The following TNFRSF10A variants were observed in gnomAD, a reference collection of about 807,000 sequenced individuals.
The protein encoded by TNFRSF10A is tumor necrosis factor receptor superfamily member 10A.
TNFRSF10A carries 44 observed loss-of-function variants against 42.8 expected under a neutral mutation model. The observed-to-expected ratio is 1.03, with a 90% CI of 0.81 to 1.32. The LOEUF is 1.32. Among genes scored for constraint, TNFRSF10A ranks in the 40% most tolerant of loss-of-function variants. The pLI is 0.00. For synonymous variants in TNFRSF10A, 259 were observed against 234.2 expected, an observed-to-expected ratio of 1.11 and a Z score of -0.97; for missense variants, 680 against 602.0, an observed-to-expected ratio of 1.13 and a Z score of -1.36.
chr8:23,208,096 C>T (rs1801043978), intron 2 of TNFRSF10A, among the ~76,000 whole-genome samples: 1 of 152,050 alleles, frequency 6.6e-6, no homozygotes, highest in African/African-American at 2.4e-5. Context: ...ATGGCTTTGA[C>T]CAAAAGCCTA....
At chr8:23,215,284 A>C (rs1372367978) in intron 1 of TNFRSF10A, among the ~76,000 whole-genome samples, 1 of 152,132 alleles carries the variant, frequency 6.6e-6, no homozygotes, top group East Asian at 1.9e-4. Context: ...TGGGAGGCCA[A>C]AGTGGGCGAC....
chr8:23,195,131 C>T (rs749558246), intron 9 of TNFRSF10A, among the ~76,000 whole-genome samples: 36 of 152,152 alleles, frequency 2.4e-4, no homozygotes, highest in Non-Finnish European at 3.7e-4. Context: ...TGCACTCCAG[C>T]GTGGGTGACA....
In TNFRSF10A at chr8:23,200,757, G is replaced by C. The variant is rs144093718; in HGVS notation, c.633C>G (p.Cys211Trp). ...AEMCRKCSRG[C>W]PRGMVKVKDC... ...CCTTGACCTTGACCATCCCTCTGGG[G>C]CACCTGGGTACACACAGGGAGGGAG... The change falls in exon 5 of 10, where the codon TGC becomes TGG. Residue 211 changes from cysteine (C) to tryptophan (W), a missense_variant. Physicochemically the swap from Cys to Trp is radical, Grantham distance 215 (BLOSUM62 -2). Transcript: ENST00000221132. The C allele has an allele frequency of 2.3e-5, 23 of 995,958 alleles. No homozygotes were observed. The Admixed American group carries it at 3.0e-4, about 13-fold the overall frequency. The allele number at this position is 995,958 out of a possible 1,614,324, so 61.7% of individuals were successfully genotyped here. A position where few individuals can be genotyped will look rare whatever the true frequency, so the allele number is the denominator to read the frequency against.
chr8:23,207,167 A>G, intron 2 of TNFRSF10A: 5 of 588,866 alleles, frequency 8.5e-6, no homozygotes, highest in South Asian at 7.0e-5. Flanking sequence ...AGAAGATAGA[A>G]GACGACAACA....
At chr8:23,224,530 C>A in intron 1 of TNFRSF10A, 1 of 575,652 alleles carries the variant, frequency 1.7e-6, no homozygotes, top group East Asian at 3.2e-5. Context: ...GTCCCCGGGC[C>A]CAGCCTCCTG....
At chr8:23,217,402 A>G (rs1801199450) in intron 1 of TNFRSF10A, among the ~76,000 whole-genome samples, 1 of 152,074 alleles carries the variant, frequency 6.6e-6, no homozygotes, top group South Asian at 2.1e-4. Flanking sequence ...TTTTTAGTAG[A>G]GATGGGGTTT....
At chr8:23,216,557 C>A (rs1801185536) in intron 1 of TNFRSF10A, among the ~76,000 whole-genome samples, 1 of 151,992 alleles carries the variant, frequency 6.6e-6, no homozygotes, top group Non-Finnish European at 1.5e-5. Context: ...GCCTGTGCAA[C>A]ATGGTGAAAC....
At chr8:23,194,116 G>C (rs967837466) in intron 9 of TNFRSF10A, among the ~76,000 whole-genome samples, 1 of 152,178 alleles carries the variant, frequency 6.6e-6, no homozygotes, top group Non-Finnish European at 1.5e-5. Flanking sequence ...TTTCAGCCAT[G>C]TGAACATATT....
intron 8 of TNFRSF10A, 150 bp downstream of exon 8, chr8:23,199,116 C>T: frequency 1.2e-6 from 1 of 847,354 alleles, no homozygotes. Context: ...AGTGCCTGTC[C>T]CCTTGTGAGG....
At chr8:23,221,493 C>T (rs1488813711) in intron 1 of TNFRSF10A, among the ~76,000 whole-genome samples, 2 of 152,208 alleles carry the variant, frequency 1.3e-5, no homozygotes, top group East Asian at 3.8e-4. Context: ...GAGATTGGGC[C>T]AGTCCAGCAT....
chr8:23,211,878 C>T (rs184269138), intron 2 of TNFRSF10A, among the ~76,000 whole-genome samples: 2 of 152,096 alleles, frequency 1.3e-5, no homozygotes, highest in East Asian at 3.8e-4. Flanking sequence ...GAAAATGCAT[C>T]AAGAGTTAAA....
Position 23,197,198 on chromosome 8 carries a change from C to T in TNFRSF10A, c.1021G>A (p.Ala341Thr), listed in dbSNP as rs867366316. The change falls in exon 9 of 10, where the codon GCA (alanine) becomes ACA (threonine). Residue 341 changes from alanine to threonine, a missense_variant. Physicochemically the swap from Ala to Thr is moderately conservative, Grantham distance 58. Transcript: ENST00000221132. ...CTCCTCTGAGACCCTTCAGCTTCTG[C>T]CGGTCCCTGTAACACACAGTGGGGA... ...PGEAQCLLGP[A>T]EAEGSQRRRL... 2 of 1,614,146 alleles carry T rather than the reference C, an allele frequency of 1.2e-6. No homozygotes were observed. Among genetic ancestry groups the T allele is most frequent in the Non-Finnish European group, 1.7e-6 (2 of 1,179,990 alleles).
intron 2 of TNFRSF10A, among the ~76,000 whole-genome samples, chr8:23,205,856 A>T (rs1458642400): frequency 3.9e-5 from 6 of 151,960 alleles, no homozygotes. Flanking sequence ...AGCTGGGACT[A>T]CAGGTGCCTG....
In TNFRSF10A at chr8:23,194,151, T is replaced by C. The variant is rs183294383; in HGVS notation, c.1088-2138A>G. 3.7e-4 allele frequency among the ~76,000 whole-genome samples: 56 copies of C among 152,338 alleles called. No individual in the cohort carries two copies. The East Asian group carries it at 0.01, about 28-fold the overall frequency. ...TTGTAGACTGGTGAGTTTGTATTAC[T>C]GTCTCATGGAGAGAGTTCAAAGGTA... On this transcript the variant is annotated intron_variant, in intron 9 of 9. Transcript: ENST00000221132.
At chr8:23,222,236 T>G (rs1801267863) in intron 1 of TNFRSF10A, among the ~76,000 whole-genome samples, 2 of 152,158 alleles carry the variant, frequency 1.3e-5, no homozygotes, top group African/African-American at 4.8e-5. Context: ...GAAGTACAAT[T>G]TAGCAATATC....
Position 23,224,991 on chromosome 8 carries a change from G to C in TNFRSF10A, c.71C>G (p.Ala24Gly), listed in dbSNP as rs748620303. The C allele has an allele frequency of 3.8e-6, 6 of 1,591,830 alleles. No homozygotes were observed. The African/African-American group carries it at 6.7e-5, about 18-fold the overall frequency. ...GGCCGCGGCTGCCTCTGTCCCACTC[G>C]CTGCGCTCCCGGGATTCGGAGTCAC... Reference protein sequence around the residue: ...LAVTPNPGSAASGTEAAAATP... With the variant: ...LAVTPNPGSAGSGTEAAAATP... Residue 24 changes from alanine (A) to glycine (G), a missense_variant, in exon 1 of 10, where the codon GCG (alanine) becomes GGG (glycine). Physicochemically the swap from Ala to Gly is moderately conservative, Grantham distance 60. Coordinates refer to ENST00000221132, the MANE Select transcript of TNFRSF10A (RefSeq NM_003844.4).
chr8:23,216,794 A>G (rs1585287678), intron 1 of TNFRSF10A, among the ~76,000 whole-genome samples: 2 of 152,104 alleles, frequency 1.3e-5, no homozygotes, highest in Non-Finnish European at 2.9e-5. Flanking sequence ...TTCGTGAACT[A>G]TGAGTTATTT....
In TNFRSF10A at chr8:23,190,991, T is replaced by A. The variant is rs544234608; in HGVS notation, c.*703A>T. On this transcript the variant is annotated 3_prime_UTR_variant, in exon 10 of 10. Coordinates refer to ENST00000221132, the MANE Select transcript of TNFRSF10A (RefSeq NM_003844.4). ...CCAGCTCCAGGAGATCAGATGGATT[T>A]GCTTTTCCTTTTTTTTTTGTTTTCT... 2 of 152,206 alleles carry A rather than the reference T, an allele frequency of 1.3e-5. No individual in the cohort carries two copies. Among genetic ancestry groups the A allele is most frequent in the South Asian group, 2.1e-4 (1 of 4,818 alleles). 9.4% of individuals were successfully genotyped at this position (152,206 alleles called of 1,614,324 possible).
Position 23,196,886 on chromosome 8 carries a change from A to C in TNFRSF10A, c.1087+246T>G, listed in dbSNP as rs3736026. Among the ~76,000 whole-genome samples, 589 of 152,298 alleles carry C rather than the reference A, an allele frequency of 3.9e-3. 3 individuals carry two copies. The highest frequency in any genetic ancestry group is 0.03 in the East Asian group (153 of 5,182). ...TTGTTCTCCTGAACAACAAAGGAGA[A>C]GAGAGGAGGTGGAGAAGAGGATAGA... On this transcript the variant is annotated intron_variant, in intron 9 of 9. Coordinates refer to ENST00000221132, the MANE Select transcript of TNFRSF10A (RefSeq NM_003844.4).
Sources: gnomAD v4.1 joint callset for allele counts (sites outside exome capture counted in the v4.1 genomes callset) on GRCh38, gnomAD v4.1.1 for gene constraint, MANE v1.5 for transcripts, NCBI Gene and HGNC (gene_info 2026-07-23, HGNC 2026-07-21) for gene names.